The following LRRC4C variants were observed in gnomAD, a reference collection of about 807,000 sequenced individuals.
The protein encoded by LRRC4C is leucine-rich repeat-containing protein 4C.
A neutral mutation model predicts 33.6 loss-of-function variants in LRRC4C; 5 were observed. The observed-to-expected ratio is 0.15, with a 90% confidence interval of 0.08 to 0.31. The LOEUF is 0.31. LRRC4C is among the 10% of genes least tolerant of loss of function. The pLI, the probability that LRRC4C is intolerant of heterozygous loss-of-function variation, is 1.00. For missense variants in LRRC4C, 560 were observed against 796.7 expected, an observed-to-expected ratio of 0.70 and a Z score of 3.58; for synonymous variants, 329 against 302.0, an observed-to-expected ratio of 1.09 and a Z score of -0.93.
At chr11:40,986,943 T>A (rs1853058811) in intron 1 of LRRC4C, among the ~76,000 whole-genome samples, 1 of 152,344 alleles carries the variant, frequency 6.6e-6, no homozygotes, top group South Asian at 2.1e-4. Flanking sequence ...AACCAATGAC[T>A]ACCTTCTTCA....
chr11:40,771,634 G>A (rs1324898639), intron 2 of LRRC4C, among the ~76,000 whole-genome samples: 1 of 152,082 alleles, frequency 6.6e-6, no homozygotes, highest in African/African-American at 2.4e-5. Context: ...TGAATGCTTT[G>A]CTGCTTAGAA....
At chr11:41,438,943 T>A (rs1955527231) in intron 1 of LRRC4C, among the ~76,000 whole-genome samples, 1 of 152,184 alleles carries the variant, frequency 6.6e-6, no homozygotes, top group Non-Finnish European at 1.5e-5. Context: ...ATTTGGGGAA[T>A]ATGAGTGCCA....
At position 41,404,482 on chromosome 11, in the gene LRRC4C, C is replaced by CTGTG. The variant is rs144992211; in HGVS notation, c.-496+54945_-496+54948dup. Among the ~76,000 whole-genome samples, 77 of 146,066 alleles carry CTGTG rather than the reference C, an allele frequency of 5.3e-4. No individual in the cohort carries two copies. The East Asian group carries it at 9.2e-3, about 18-fold the overall frequency. On this transcript the variant is annotated intron_variant, in intron 1 of 6. Transcript: ENST00000528697. The stretch of plus-strand genomic sequence containing the variant: ...ACCCCAGGGCTATGTGTGTGTGTGT[C>CTGTG]TGTGTGTGTGTGTGTATACACACAG...
At chr11:40,328,777 A>G (rs1462875003) in intron 3 of LRRC4C, among the ~76,000 whole-genome samples, 1 of 152,230 alleles carries the variant, frequency 6.6e-6, no homozygotes, top group Non-Finnish European at 1.5e-5. Context: ...CAGTTTAAAT[A>G]CAGAATATTT....
chr11:40,782,620 GT>G (rs1340001989), intron 2 of LRRC4C, among the ~76,000 whole-genome samples: 1 of 152,116 alleles, frequency 6.6e-6, no homozygotes, highest in Non-Finnish European at 1.5e-5. Context: ...AAAAGTCTGA[GT>G]TTGGGCAAAC....
chr11:41,093,805 A>C (rs964470693), intron 1 of LRRC4C, among the ~76,000 whole-genome samples: 2 of 152,036 alleles, frequency 1.3e-5, no homozygotes, highest in Non-Finnish European at 2.9e-5. Context: ...AAAAAGTAAC[A>C]GACCGGCCGG....
At chr11:41,373,243 TGTATTTGAC>T (rs1565621943) in intron 1 of LRRC4C, among the ~76,000 whole-genome samples, 2 of 152,114 alleles carry the variant, frequency 1.3e-5, no homozygotes, top group African/African-American at 4.8e-5. Context: ...ATATATATAC[TGTATTTGAC>T]ATATTAAAAA....
chr11:40,719,221 T>C (rs1946882490), intron 2 of LRRC4C, among the ~76,000 whole-genome samples: 1 of 152,214 alleles, frequency 6.6e-6, no homozygotes, highest in African/African-American at 2.4e-5. Context: ...GAACATGTAA[T>C]CATCTCTTGA....
At chr11:40,460,510 T>C (rs534375859) in intron 3 of LRRC4C, among the ~76,000 whole-genome samples, 1 of 152,266 alleles carries the variant, frequency 6.6e-6, no homozygotes, top group East Asian at 1.9e-4. Flanking sequence ...TCTGGATAAT[T>C]ATGGAGGAAA....
At chr11:40,417,513 TTTG>T (rs1267178952) in intron 3 of LRRC4C, among the ~76,000 whole-genome samples, 3 of 151,796 alleles carry the variant, frequency 2.0e-5, no homozygotes, top group African/African-American at 7.3e-5. Flanking sequence ...TTATTTTTTT[TTTG>T]TTTTTAGCAG....
chr11:40,408,680 A>G (rs981701393), intron 3 of LRRC4C, among the ~76,000 whole-genome samples: 8 of 152,094 alleles, frequency 5.3e-5, no homozygotes, highest in Admixed American at 4.6e-4. Context: ...GTTGTTGAAA[A>G]CACATTAAAA....
At chr11:41,121,231 C>T (rs1942413072) in intron 1 of LRRC4C, among the ~76,000 whole-genome samples, 1 of 152,030 alleles carries the variant, frequency 6.6e-6, no homozygotes, top group African/African-American at 2.4e-5. Context: ...AAAACCATGA[C>T]ATTGTAGGAT....
intron 1 of LRRC4C, among the ~76,000 whole-genome samples, chr11:41,412,901 T>G (rs192320899): frequency 7.2e-5 from 11 of 152,286 alleles, no homozygotes; most frequent in Admixed American, 6.5e-4. Flanking sequence ...CTAACAGCCT[T>G]TTCCTCCCTT....
chr11:41,078,657 A>G (rs1268509835), intron 1 of LRRC4C, among the ~76,000 whole-genome samples: 1 of 152,128 alleles, frequency 6.6e-6, no homozygotes, highest in Non-Finnish European at 1.5e-5. Context: ...ACCCGCCTCC[A>G]TGAACCAATC....
intron 1 of LRRC4C, among the ~76,000 whole-genome samples, chr11:41,048,904 C>G (rs1275052749): frequency 3.3e-5 from 5 of 152,132 alleles, no homozygotes; most frequent in African/African-American, 1.2e-4. Context: ...ACTGGAAAAG[C>G]CTTGACTTCC....
chr11:40,167,041 A>AAAAATT (rs1859651778), intron 5 of LRRC4C, among the ~76,000 whole-genome samples: 1 of 152,152 alleles, frequency 6.6e-6, no homozygotes, highest in African/African-American at 2.4e-5. Flanking sequence ...AGGCATTTTA[A>AAAAATT]TAAGGGAATC....
chr11:41,326,294 C>G (rs763284008), intron 1 of LRRC4C, among the ~76,000 whole-genome samples: 1 of 152,178 alleles, frequency 6.6e-6, no homozygotes, highest in Non-Finnish European at 1.5e-5. Context: ...TTTGGACTTA[C>G]ACCAGTGGTT....
At chr11:41,389,014 G>T (rs774241668) in intron 1 of LRRC4C, among the ~76,000 whole-genome samples, 5 of 151,792 alleles carry the variant, frequency 3.3e-5, no homozygotes, top group Non-Finnish European at 4.4e-5. Context: ...CCAATCTACA[G>T]TCTGGCTAGG....
intron 3 of LRRC4C, among the ~76,000 whole-genome samples, chr11:40,450,536 T>A (rs1302519547): frequency 6.6e-6 from 1 of 152,034 alleles, no homozygotes; most frequent in Non-Finnish European, 1.5e-5. Context: ...AAAACTGAAA[T>A]AAGGGAACAG....
Sources: allele counts gnomAD v4.1 joint callset (sites outside exome capture counted in the v4.1 genomes callset), GRCh38; gene constraint gnomAD v4.1.1; transcripts MANE v1.5; gene names NCBI Gene and HGNC (gene_info 2026-07-23, HGNC 2026-07-21).